Variants in UNC13B observed in about 807,000 individuals in gnomAD.
UNC13B encodes the protein protein unc-13 homolog B.
Under a neutral mutation model 211.0 loss-of-function variants are expected in UNC13B, and 144 were observed. The observed-to-expected ratio is 0.68, with a 90% CI of 0.60 to 0.78. The LOEUF (loss-of-function observed/expected upper bound fraction) is 0.78, where lower values mean the gene tolerates loss of function less well. Ranked by LOEUF, UNC13B falls within the 30% of genes least tolerant of loss-of-function variation. The pLI is 0.00. For missense variants in UNC13B, 1,777 were observed against 2,002.0 expected (o/e 0.89, Z 2.14); for synonymous variants, 709 against 725.8 (o/e 0.98, Z 0.37).
At chr9:35,251,954 G>A (rs1219390391) in intron 6 of UNC13B, among the ~76,000 whole-genome samples, 2 of 152,166 alleles carry the variant, frequency 1.3e-5, no homozygotes, top group African/African-American at 4.8e-5. Flanking sequence ...GCCTCCCAAA[G>A]TGCTGAGTTT....
At chr9:35,400,089 A>C (rs575302244) in intron 36 of UNC13B, among the ~76,000 whole-genome samples, 42 of 152,286 alleles carry the variant, frequency 2.8e-4, no homozygotes, top group Admixed American at 1.6e-3. Context: ...TCCTTCAAAC[A>C]CTGCCGTACC....
chr9:35,277,141 C>A (rs1314009310), intron 7 of UNC13B, among the ~76,000 whole-genome samples: 1 of 152,026 alleles, frequency 6.6e-6, no homozygotes, highest in African/African-American at 2.4e-5. Context: ...GGTTGTTTGC[C>A]CCTGAGGGAC....
chr9:35,336,369 C>A (rs1169241689), intron 11 of UNC13B, among the ~76,000 whole-genome samples: 1 of 152,184 alleles, frequency 6.6e-6, no homozygotes, highest in African/African-American at 2.4e-5. Flanking sequence ...ATGGGTATAA[C>A]AATGCCTCTT....
At chr9:35,400,479 T>G (rs1228293401) in intron 37 of UNC13B, 36 bp downstream of exon 37, 1 of 1,597,060 alleles carries the variant, frequency 6.3e-7, no homozygotes, top group Admixed American at 1.7e-5. Context: ...CCACCTCTCC[T>G]CTCTGATACA....
At chr9:35,358,405 G>A (rs4352935) in intron 11 of UNC13B, among the ~76,000 whole-genome samples, 12,395 of 152,104 alleles carry the variant, frequency 0.081, 669 homozygotes, top group East Asian at 0.3. Flanking sequence ...ACCGTTTTAC[G>A]TTCCCACCAT....
chr9:35,237,995 A>G (rs545107768), intron 5 of UNC13B, among the ~76,000 whole-genome samples, 169 bp downstream of exon 5: 1 of 152,160 alleles, frequency 6.6e-6, no homozygotes, highest in East Asian at 1.9e-4. Context: ...GGTGCAAAGT[A>G]GAATATAGAA....
intron 7 of UNC13B, among the ~76,000 whole-genome samples, chr9:35,263,653 G>T (rs1002098399): frequency 6.6e-6 from 1 of 152,088 alleles, no homozygotes; most frequent in Non-Finnish European, 1.5e-5. Flanking sequence ...TTATTGCTGA[G>T]AACTTAATTG....
intron 11 of UNC13B, among the ~76,000 whole-genome samples, chr9:35,328,304 G>A (rs571674249): frequency 6.6e-6 from 1 of 152,158 alleles, no homozygotes; most frequent in South Asian, 2.1e-4. Flanking sequence ...GATTACAGGC[G>A]TGAGCCACCA....
Position 35,319,402 on chromosome 9 carries a change from CAAAAAAAAAAA to C in UNC13B, c.9414+5437_9414+5447del, listed in dbSNP as rs74176715. On this transcript the variant is annotated intron_variant, in intron 11 of 39. Transcript: ENST00000635942. ...TAGGTGACAGAGTGAGACCCTATCT[CAAAAAAAAAAA>C]AAAAAAAAAAAAAAAAAAAAAAATT... 4.8e-3 allele frequency among the ~76,000 whole-genome samples: 269 copies of C among 56,208 alleles called. 2 individuals are homozygous for C. The highest frequency in any genetic ancestry group is 0.02 in the African/African-American group (243 of 11,922). The allele number at this position is 56,208 out of a possible 152,430, so 36.9% of individuals were successfully genotyped here.
At chr9:35,399,592 T>A (rs1587779168) in intron 35 of UNC13B, 57 bp from the exon 36 acceptor site, 1 of 1,607,204 alleles carries the variant, frequency 6.2e-7, no homozygotes, top group Non-Finnish European at 8.5e-7. Flanking sequence ...GGCAGGTGGG[T>A]GCAAGACTTT....
intron 26 of UNC13B, among the ~76,000 whole-genome samples, chr9:35,392,254 G>T (rs1257691608): frequency 2.6e-5 from 4 of 152,194 alleles, no homozygotes; most frequent in Non-Finnish European, 5.9e-5. Context: ...CTTGAGCAGA[G>T]ATGCAATGTG....
At chr9:35,189,391 A>C (rs942341002) in intron 1 of UNC13B, among the ~76,000 whole-genome samples, 1 of 152,198 alleles carries the variant, frequency 6.6e-6, no homozygotes, top group Non-Finnish European at 1.5e-5. Flanking sequence ...CCCAGGCCTT[A>C]CCTATCTGTA....
intron 16 of UNC13B, 56 bp downstream of exon 16, chr9:35,377,751 G>A: frequency 6.4e-7 from 1 of 1,557,970 alleles, no homozygotes; most frequent in Non-Finnish European, 8.8e-7. Flanking sequence ...GGAGGAGACT[G>A]GGGAAGAAAC....
chr9:35,211,033 G>A (rs1195440756), intron 1 of UNC13B, among the ~76,000 whole-genome samples: 1 of 152,084 alleles, frequency 6.6e-6, no homozygotes, highest in East Asian at 1.9e-4. Context: ...CTGTGCTTGG[G>A]AGAAGTTTTA....
At chr9:35,252,333 T>C (rs968924729) in intron 6 of UNC13B, among the ~76,000 whole-genome samples, 1 of 151,940 alleles carries the variant, frequency 6.6e-6, no homozygotes, top group Non-Finnish European at 1.5e-5. Context: ...TTTCTTTCTT[T>C]TATTTATTTA....
rs1829315918 is a variant in UNC13B at position 35,295,678 on chromosome 9, A to C, written c.527-18A>C. The C allele has an allele frequency of 6.2e-7, 1 of 1,610,100 alleles. No homozygotes were observed. Among genetic ancestry groups the C allele is most frequent in the Non-Finnish European group, 8.5e-7 (1 of 1,176,570 alleles). ...AAATAAAGCTGGGGTGCTTTGATTG[A>C]ATGTGCTTATTCCATAGCTTTTGAA... is the stretch of plus-strand genomic sequence containing the variant. On this transcript the variant is annotated intron_variant, in intron 7 of 39. Transcript: ENST00000635942.
At chr9:35,200,870 A>G (rs1308453108) in intron 1 of UNC13B, among the ~76,000 whole-genome samples, 1 of 152,142 alleles carries the variant, frequency 6.6e-6, no homozygotes, top group Admixed American at 6.5e-5. Flanking sequence ...TTCCAACACT[A>G]TGTTGAATAG....
intron 1 of UNC13B, among the ~76,000 whole-genome samples, chr9:35,225,631 G>A (rs902943784): frequency 6.6e-6 from 1 of 151,886 alleles, no homozygotes; most frequent in Non-Finnish European, 1.5e-5. Flanking sequence ...TGTAGTCTCC[G>A]TATGATTTCT....
intron 22 of UNC13B, chr9:35,385,256 C>G (rs1343655958): frequency 1.0e-6 from 1 of 985,340 alleles, no homozygotes; most frequent in East Asian, 1.1e-4. Context: ...GGCTGCAGAA[C>G]AGTAGAAGAG....
Sources: gnomAD v4.1 joint callset for allele counts (sites outside exome capture counted in the v4.1 genomes callset) on GRCh38, gnomAD v4.1.1 for gene constraint, MANE v1.5 for transcripts, NCBI Gene and HGNC (gene_info 2026-07-23, HGNC 2026-07-21) for gene names.